The following PYGB variants were observed in gnomAD, a reference collection of about 807,000 sequenced individuals.
PYGB encodes glycogen phosphorylase, brain form.
PYGB carries 82 observed loss-of-function variants against 94.3 expected under a neutral mutation model. The observed-to-expected ratio is 0.87, with a 90% CI of 0.73 to 1.04. The LOEUF (loss-of-function observed/expected upper bound fraction) is 1.04, where lower values mean the gene tolerates loss of function less well. Ranked by LOEUF, PYGB falls within the 50% of genes least tolerant of loss-of-function variation. PYGB has a pLI of 0.00. For missense variants in PYGB, 1,132 were observed against 1,158.2 expected, an observed-to-expected ratio of 0.98 and a Z score of 0.33; for synonymous variants, 488 against 479.1, an observed-to-expected ratio of 1.02 and a Z score of -0.24.
At chr20:25,261,003 AC>A (rs2092912208) in intron 2 of PYGB, among the ~76,000 whole-genome samples, 1 of 152,230 alleles carries the variant, frequency 6.6e-6, no homozygotes, top group Admixed American at 6.5e-5. Context: ...GGTGGAGCCC[AC>A]CACAGCTCAA....
intron 3 of PYGB, among the ~76,000 whole-genome samples, chr20:25,270,505 C>T (rs934316109): frequency 9.9e-5 from 15 of 151,814 alleles, no homozygotes; most frequent in African/African-American, 3.6e-4. Flanking sequence ...CCCAGCCAAT[C>T]CTGAAGTTTT....
At chr20:25,268,304 A>G (rs1420641844) in intron 2 of PYGB, among the ~76,000 whole-genome samples, 2 of 151,956 alleles carry the variant, frequency 1.3e-5, no homozygotes, top group Admixed American at 6.6e-5. Flanking sequence ...GACTTAGTGT[A>G]TACTAAATCA....
At chr20:25,254,831 A>T (rs954012587) in intron 1 of PYGB, among the ~76,000 whole-genome samples, 5 of 152,210 alleles carry the variant, frequency 3.3e-5, no homozygotes, top group African/African-American at 1.2e-4. Context: ...AGAAGGCGGG[A>T]GACAGTGACT....
chr20:25,296,260 C>T, intron 19 of PYGB, 110 bp from the exon 20 acceptor site: 1 of 1,378,018 alleles, frequency 7.3e-7, no homozygotes, highest in Middle Eastern at 1.8e-4. Context: ...AGCGGATGGC[C>T]CCAAGGCTCG....
Position 25,294,217 on chromosome 20 carries a change from T to A in PYGB, c.2237T>A (p.Ile746Asn). 6.2e-7 allele frequency: 1 copy of A among 1,613,664 alleles called. No homozygotes were observed. The highest frequency in any genetic ancestry group is 8.5e-7 in the Non-Finnish European group (1 of 1,179,872). ...GAGCTGAAGCAGGCCGTGGACCAGA[T>A]CAGCAGTGGCTTTTTTTCTCCCAAG... Reference protein sequence around the residue: ...LPELKQAVDQISSGFFSPKEP... With the variant: ...LPELKQAVDQNSSGFFSPKEP... The change falls in exon 18 of 20, where the codon ATC becomes AAC. Residue 746 changes from isoleucine to asparagine, a missense_variant. Ile to Asn is a moderately radical substitution (Grantham distance 149). Coordinates refer to ENST00000216962, the MANE Select transcript of PYGB (RefSeq NM_002862.4).
chr20:25,263,166 C>T (rs1163725812), intron 2 of PYGB, among the ~76,000 whole-genome samples: 1 of 152,246 alleles, frequency 6.6e-6, no homozygotes, highest in Non-Finnish European at 1.5e-5. Context: ...AATATACATT[C>T]TTCTCAGCAC....
intron 6 of PYGB, 27 bp downstream of exon 6, chr20:25,276,784 T>G (rs2088315921): frequency 6.3e-7 from 1 of 1,593,676 alleles, no homozygotes; most frequent in East Asian, 2.2e-5. Context: ...TTGGCACCCT[T>G]GTGTCCATGT....
At chr20:25,269,717 G>T (rs1013073314) in intron 3 of PYGB, among the ~76,000 whole-genome samples, 1 of 152,148 alleles carries the variant, frequency 6.6e-6, no homozygotes, top group Non-Finnish European at 1.5e-5. Flanking sequence ...GCAAAACTGG[G>T]CTTCCTACGC....
chr20:25,288,175 C>G (rs1255748691), intron 14 of PYGB: 2 of 642,352 alleles, frequency 3.1e-6, no homozygotes, highest in Admixed American at 4.4e-5. Context: ...GGCTGGCCTT[C>G]CTCACCAGCG....
chr20:25,292,329 C>A, intron 16 of PYGB, 77 bp from the exon 17 acceptor site: 1 of 1,527,864 alleles, frequency 6.5e-7, no homozygotes, highest in Non-Finnish European at 8.9e-7. Context: ...GATGGGCCGG[C>A]TTGTCCTGCA....
Position 25,296,423 on chromosome 20 carries a change from G to A in PYGB, c.2433G>A (p.Lys811=). 1.9e-6 allele frequency: 3 copies of A among 1,614,100 alleles called. No homozygotes were observed. Among genetic ancestry groups the A allele is most frequent in the Middle Eastern group, 1.6e-4 (1 of 6,062 alleles). ...KVIRNIACSG[K]FSSDRTITEY... ...TCAGGAACATCGCCTGCTCGGGCAA[G>A]TTCTCCAGTGACCGGACCATCACGG... Residue 811 remains lysine (K), a synonymous_variant, in exon 20 of 20, where the codon AAG becomes AAA. Coordinates refer to ENST00000216962, the MANE Select transcript of PYGB (RefSeq NM_002862.4).
chr20:25,269,453 G>C (rs752412242), intron 3 of PYGB, among the ~76,000 whole-genome samples: 2 of 152,218 alleles, frequency 1.3e-5, no homozygotes. Context: ...GAGTAAGCTG[G>C]TGCTGGGAGG....
At chr20:25,278,745 A>G (rs372569757) in intron 8 of PYGB, among the ~76,000 whole-genome samples, 2 of 152,176 alleles carry the variant, frequency 1.3e-5, no homozygotes, top group African/African-American at 2.4e-5. Context: ...ACAAAGCCCT[A>G]TAGTTCCAGT....
chr20:25,252,638 G>A (rs1369224071), intron 1 of PYGB, among the ~76,000 whole-genome samples: 1 of 152,206 alleles, frequency 6.6e-6, no homozygotes, highest in Non-Finnish European at 1.5e-5. Flanking sequence ...ATACAACCCA[G>A]GAACAGCCAG....
At position 25,278,325 on chromosome 20, in the gene PYGB, G is replaced by A; in HGVS notation, c.862G>A (p.Glu288Lys). ...CTTGCTCTGCTGTGTGCAGTTCTTTGAGGGGAAGGAGCTGCGGCTGAAGCA... is the reference window on the plus strand; with the variant it reads ...CTTGCTCTGCTGTGTGCAGTTCTTTAAGGGGAAGGAGCTGCGGCTGAAGCA... ...RVLYPNDNFFEGKELRLKQEY... is the reference protein window; with the variant it reads ...RVLYPNDNFFKGKELRLKQEY... The change falls in exon 8 of 20, where the codon GAG becomes AAG. Residue 288 changes from glutamate (E) to lysine (K), a missense_variant. Glu to Lys is a moderately conservative substitution (Grantham distance 56). Transcript: ENST00000216962. 1 of 1,518,402 alleles carries A rather than the reference G, an allele frequency of 6.6e-7. No individual in the cohort carries two copies. The highest frequency in any genetic ancestry group is 8.8e-7 in the Non-Finnish European group (1 of 1,139,160). The allele number at this position is 1,518,402 out of a possible 1,614,324, so 94.1% of individuals were successfully genotyped here. A position where few individuals can be genotyped will look rare whatever the true frequency, so the allele number is the denominator to read the frequency against.
chr20:25,256,582 A>G (rs2092903251), intron 1 of PYGB, among the ~76,000 whole-genome samples: 1 of 152,162 alleles, frequency 6.6e-6, no homozygotes, highest in South Asian at 2.1e-4. Flanking sequence ...AGAAGGGACC[A>G]TGGTAGAAAG....
At chr20:25,259,216 T>C (rs775800737) in intron 1 of PYGB, 21 bp from the exon 2 acceptor site, 2 of 1,545,674 alleles carry the variant, frequency 1.3e-6, no homozygotes, top group Non-Finnish European at 1.8e-6. Flanking sequence ...AGAAATCTTA[T>C]TCTTTCTTCT....
chr20:25,251,819 A>G (rs12625048), intron 1 of PYGB, among the ~76,000 whole-genome samples: 1 of 152,206 alleles, frequency 6.6e-6, no homozygotes. Flanking sequence ...TGACTACAAC[A>G]CAGATTAAGG....
intron 14 of PYGB, among the ~76,000 whole-genome samples, chr20:25,287,756 G>A (rs2088430324): frequency 6.6e-6 from 1 of 152,176 alleles, no homozygotes; most frequent in Admixed American, 6.5e-5. Flanking sequence ...GAGGCGGAAG[G>A]GTTGCTTGAG....
Sources: gnomAD v4.1 joint callset for allele counts (sites outside exome capture counted in the v4.1 genomes callset) on GRCh38, gnomAD v4.1.1 for gene constraint, MANE v1.5 for transcripts, NCBI Gene and HGNC (gene_info 2026-07-23, HGNC 2026-07-21) for gene names.